SMIM35: variants seen among roughly 807,000 people sequenced by gnomAD.
SMIM35 encodes small integral membrane protein 35.
At chr11:118,079,374 C>T (rs1944953514) in intron 1 of SMIM35, among the ~76,000 whole-genome samples, 1 of 152,086 alleles carries the variant, frequency 6.6e-6, no homozygotes, top group Non-Finnish European at 1.5e-5. Context: ...CTTTGAGCTG[C>T]TGCGTCTTAA....
At chr11:118,021,562 T>A (rs917326340) in intron 1 of SMIM35, among the ~76,000 whole-genome samples, 1 of 152,300 alleles carries the variant, frequency 6.6e-6, no homozygotes, top group Non-Finnish European at 1.5e-5. Flanking sequence ...ATAAAATGTA[T>A]CTTTAACTTA....
chr11:118,045,561 C>G (rs1044996655), intron 1 of SMIM35, among the ~76,000 whole-genome samples: 3 of 152,144 alleles, frequency 2.0e-5, no homozygotes. Context: ...AGGTCAAAAA[C>G]AGGTATCATC....
chr11:118,075,586 A>C (rs541048428), intron 1 of SMIM35, among the ~76,000 whole-genome samples: 2 of 152,300 alleles, frequency 1.3e-5, no homozygotes, highest in African/African-American at 4.8e-5. Context: ...CTTCATGTCC[A>C]TAGGCTATAG....
At chr11:118,041,772 C>T (rs372706036) in intron 1 of SMIM35, among the ~76,000 whole-genome samples, 17 of 152,110 alleles carry the variant, frequency 1.1e-4, no homozygotes, top group Middle Eastern at 3.4e-3. Flanking sequence ...AAACACAGGC[C>T]GGGCACAGTG....
At chr11:118,038,825 C>T (rs1943954081) in intron 1 of SMIM35, among the ~76,000 whole-genome samples, 2 of 152,002 alleles carry the variant, frequency 1.3e-5, no homozygotes, top group South Asian at 4.1e-4. Context: ...ACATTTTAGG[C>T]AAAGCAAACA....
intron 1 of SMIM35, among the ~76,000 whole-genome samples, chr11:118,021,302 C>A (rs1400733125): frequency 1.3e-5 from 2 of 152,088 alleles, no homozygotes; most frequent in Non-Finnish European, 2.9e-5. Context: ...ACTTTTGTCA[C>A]TCTAAACTTC....
rs2058169884 is a variant in SMIM35 at position 118,014,707 on chromosome 11, C to T, written c.158+1G>A. 3 of 398,892 alleles carry T rather than the reference C, an allele frequency of 7.5e-6. No individual in the cohort carries two copies. Among genetic ancestry groups the T allele is most frequent in the Non-Finnish European group, 1.3e-5 (3 of 226,056 alleles). The allele number at this position is 398,892 out of a possible 1,614,324, so 24.7% of individuals were successfully genotyped here. On this transcript the variant is annotated splice_donor_variant, in intron 3 of 4. Transcript: ENST00000689828. LOFTEE classifies it high-confidence loss of function. ...CCCAGATATTCCCTGAATTTACTCA[C>T]CGGATTTGATATAAGTTGAAGACAA...
At chr11:118,033,435 A>C (rs181637224) in intron 1 of SMIM35, among the ~76,000 whole-genome samples, 23 of 152,350 alleles carry the variant, frequency 1.5e-4, no homozygotes, top group Admixed American at 1.4e-3. Flanking sequence ...TTTAAATAGA[A>C]TTTAAATTCG....
chr11:118,072,442 C>T (rs537666682), intron 1 of SMIM35, among the ~76,000 whole-genome samples: 2 of 152,244 alleles, frequency 1.3e-5, no homozygotes, highest in Non-Finnish European at 2.9e-5. Flanking sequence ...GAGCGGAGAT[C>T]GTGACATTGC....
intron 4 of SMIM35, among the ~76,000 whole-genome samples, chr11:118,008,397 A>G (rs1358098612): frequency 6.6e-6 from 1 of 152,206 alleles, no homozygotes; most frequent in Non-Finnish European, 1.5e-5. Context: ...TGGAGCAGAG[A>G]GTGGAGCACC....
chr11:118,085,863 C>G (rs547510159), intron 1 of SMIM35, among the ~76,000 whole-genome samples: 1 of 152,152 alleles, frequency 6.6e-6, no homozygotes, highest in Non-Finnish European at 1.5e-5. Context: ...AAGGTGGGCT[C>G]AGATGGACCC....
intron 1 of SMIM35, among the ~76,000 whole-genome samples, chr11:118,043,997 G>A (rs1473806556): frequency 3.3e-5 from 5 of 151,846 alleles, no homozygotes; most frequent in Admixed American, 2.0e-4. Context: ...TACTTCTAAT[G>A]GGAGAATTGT....
At chr11:118,083,594 A>G (rs656199) in intron 1 of SMIM35, among the ~76,000 whole-genome samples, 111,458 of 152,008 alleles carry the variant, frequency 0.73, 41,863 homozygotes, top group South Asian at 0.83. Flanking sequence ...GAACTTCCCA[A>G]GTTCTATTTT....
chr11:118,079,956 C>T (rs948894500), intron 1 of SMIM35, among the ~76,000 whole-genome samples: 8 of 152,202 alleles, frequency 5.3e-5, no homozygotes, highest in African/African-American at 1.9e-4. Context: ...GCCTGCTCTC[C>T]TGGATCCTTT....
chr11:118,016,226 G>C (rs576760585), intron 1 of SMIM35, among the ~76,000 whole-genome samples: 2 of 152,272 alleles, frequency 1.3e-5, no homozygotes, highest in African/African-American at 4.8e-5. Context: ...CCTTTGCAAA[G>C]CTCATGCACC....
chr11:118,069,280 G>A (rs1944534831), intron 1 of SMIM35, among the ~76,000 whole-genome samples: 1 of 152,196 alleles, frequency 6.6e-6, no homozygotes, highest in African/African-American at 2.4e-5. Context: ...AGAGTAGAAT[G>A]TCAGTAAATA....
intron 1 of SMIM35, among the ~76,000 whole-genome samples, chr11:118,051,653 A>G (rs1239973589): frequency 6.6e-6 from 1 of 152,190 alleles, no homozygotes; most frequent in Non-Finnish European, 1.5e-5. Context: ...ACTACAGTGC[A>G]GACAGTGTAA....
intron 1 of SMIM35, among the ~76,000 whole-genome samples, chr11:118,040,319 T>G (rs1296528679): frequency 6.6e-6 from 1 of 152,074 alleles, no homozygotes; most frequent in African/African-American, 2.4e-5. Context: ...TAAAAAATGC[T>G]GAAAGTAAAA....
intron 1 of SMIM35, among the ~76,000 whole-genome samples, chr11:118,051,629 C>G (rs1479381625): frequency 1.3e-5 from 2 of 152,150 alleles, no homozygotes; most frequent in Admixed American, 6.5e-5. Flanking sequence ...AAGGGGGTAA[C>G]GGTGAGAACT....
Sources: gnomAD v4.1 joint callset for allele counts (sites outside exome capture counted in the v4.1 genomes callset) on GRCh38, gnomAD v4.1.1 for gene constraint, MANE v1.5 for transcripts, NCBI Gene and HGNC (gene_info 2026-07-23, HGNC 2026-07-21) for gene names.